Variants in ADAM15 observed in about 807,000 individuals in gnomAD.
ADAM15 encodes ADAM metallopeptidase domain 15, also known as disintegrin and metalloproteinase domain-containing protein 15.
ADAM15 carries 77 observed loss-of-function variants against 113.8 expected under a neutral mutation model. The observed-to-expected ratio is 0.68, with a 90% CI of 0.56 to 0.82. The LOEUF is 0.82. Among genes scored for constraint, ADAM15 ranks in the 40% least tolerant of loss-of-function variants. The pLI, the probability that ADAM15 is intolerant of heterozygous loss-of-function variation, is 0.00. For synonymous variants in ADAM15, 388 were observed against 454.1 expected (o/e 0.85, Z 1.85); for missense variants, 963 against 1,120.1 (o/e 0.86, Z 2.00).
At chr1:155,051,609 CCTA>C in intron 1 of ADAM15, 144 bp downstream of exon 1, 2 of 730,562 alleles carry the variant, frequency 2.7e-6, no homozygotes, top group Non-Finnish European at 4.1e-6. Context: ...CTGTCCTGGG[CCTA>C]GGGCCCGGTG....
Position 155,057,095 on chromosome 1 carries a change from C to A in ADAM15, c.1142C>A (p.Ser381Tyr). Residue 381 changes from serine to tyrosine, a missense_variant, in exon 11 of 23, where the codon TCC becomes TAC. Transcript: ENST00000356955. The surrounding 1 kb of genome is among the most constrained non-coding windows in gnomAD (Gnocchi z 5.0). Reference protein sequence around the residue: ...APAKTCIMEASTDFLPGLNFS... With the variant: ...APAKTCIMEAYTDFLPGLNFS... ...GCCAAGACCTGCATCATGGAGGCCTCCACAGAGTAAGTAGCTGCAGGATGG... is the reference window on the plus strand; with the variant it reads ...GCCAAGACCTGCATCATGGAGGCCTACACAGAGTAAGTAGCTGCAGGATGG... 1 of 1,571,044 alleles carries A rather than the reference C, an allele frequency of 6.4e-7. No homozygotes were observed. Among genetic ancestry groups the A allele is most frequent in the Non-Finnish European group, 8.6e-7 (1 of 1,156,326 alleles).
At position 155,062,013 on chromosome 1, in the gene ADAM15, C is replaced by T; in HGVS notation, c.2424+38C>T. On this transcript the variant is annotated intron_variant, in intron 21 of 22. Transcript: ENST00000356955. This position sits in a 1 kb window ranked among gnomAD's most constrained non-coding sequence, Gnocchi z 7.0. Reference sequence around the variant, plus strand: ...GGAGAGAAGGGCACGGCCTCTCCCCCCACCTAGGGCTGTGGTGCTGGTAGC... The same window carrying T: ...GGAGAGAAGGGCACGGCCTCTCCCCTCACCTAGGGCTGTGGTGCTGGTAGC... 3 of 1,505,232 alleles carry T rather than the reference C, an allele frequency of 2.0e-6. No individual in the cohort carries two copies. The highest frequency in any genetic ancestry group is 2.7e-6 in the Non-Finnish European group (3 of 1,125,682). 93.2% of individuals were successfully genotyped at this position (1,505,232 alleles called of 1,614,324 possible). A position where few individuals can be genotyped will look rare whatever the true frequency, so the allele number is the denominator to read the frequency against.
intron 16 of ADAM15, among the ~76,000 whole-genome samples, chr1:155,059,619 A>T (rs1662280238): frequency 6.6e-6 from 1 of 152,114 alleles, no homozygotes; most frequent in Non-Finnish European, 1.5e-5. Context: ...ACAGAGTGAG[A>T]CTCCATCTTA....
chr1:155,056,820 T>C lies in ADAM15; in HGVS notation c.1000-133T>C. ...CTGGGTTCTCCTACTTTAGAAGCAATTCAGGAGGGAAGCAGTGCCTGCTGA... is the reference window on the plus strand; with the variant it reads ...CTGGGTTCTCCTACTTTAGAAGCAACTCAGGAGGGAAGCAGTGCCTGCTGA... On this transcript the variant is annotated intron_variant, in intron 10 of 22. Coordinates refer to ENST00000356955, the MANE Select transcript of ADAM15 (RefSeq NM_207197.3). The surrounding 1 kb of genome is among the most constrained non-coding windows in gnomAD (Gnocchi z 4.0). 7.6e-7 allele frequency: 1 copy of C among 1,314,626 alleles called. No individual in the cohort carries two copies. Among genetic ancestry groups the C allele is most frequent in the African/African-American group, 1.5e-5 (1 of 67,692 alleles). The allele number at this position is 1,314,626 out of a possible 1,614,324, so 81.4% of individuals were successfully genotyped here.
intron 20 of ADAM15, 21 bp downstream of exon 20, chr1:155,061,510 G>C: frequency 6.2e-7 from 1 of 1,610,566 alleles, no homozygotes; most frequent in South Asian, 1.1e-5. Flanking sequence ...GCCAGGGCCC[G>C]CCCTGAGCCA....
rs1292773227 is a variant in ADAM15 at position 155,060,315 on chromosome 1, C to A, written c.2179C>A (p.Gln727Lys). Residue 727 changes from glutamine to lysine, a missense_variant, in exon 18 of 23, where the codon CAG (glutamine) becomes AAG (lysine). Coordinates refer to ENST00000356955, the MANE Select transcript of ADAM15 (RefSeq NM_207197.3). ...TGCCCGCCTGCACCAGCGACTCTGC[C>A]AGCTCAAGGGACCCACCTGCCAGTA... The part of the protein sequence containing the change: ...YRARLHQRLC[Q>K]LKGPTCQYRA... 1 of 1,614,118 alleles carries A rather than the reference C, an allele frequency of 6.2e-7. No homozygotes were observed. The highest frequency in any genetic ancestry group is 1.3e-5 in the African/African-American group (1 of 75,018).
intron 7 of ADAM15, 34 bp downstream of exon 7, chr1:155,055,886 C>T: frequency 6.2e-7 from 1 of 1,614,238 alleles, no homozygotes; most frequent in Non-Finnish European, 8.5e-7. Flanking sequence ...TCCTCCTCCC[C>T]CTGCACTGCC....
chr1:155,054,888 AAAAT>A (rs1177155868), intron 6 of ADAM15, among the ~76,000 whole-genome samples: 2 of 151,826 alleles, frequency 1.3e-5, no homozygotes, highest in African/African-American at 2.4e-5. Flanking sequence ...AAATAAAAAT[AAAAT>A]AAAATAAAAT....
chr1:155,058,690 C>T lies in ADAM15; in HGVS notation c.1918-20C>T. Reference sequence around the variant, plus strand: ...AAGCTTTGTGGGAATCTGATCCAGGCTCTTCTCTCCCTGGGTCAGGTGTGT... The same window carrying T: ...AAGCTTTGTGGGAATCTGATCCAGGTTCTTCTCTCCCTGGGTCAGGTGTGT... On this transcript the variant is annotated intron_variant, in intron 15 of 22. Transcript: ENST00000356955. This position sits in a 1 kb window ranked among gnomAD's most constrained non-coding sequence, Gnocchi z 4.3. The T allele has an allele frequency of 6.2e-7, 1 of 1,610,642 alleles. No individual in the cohort carries two copies. Among genetic ancestry groups the T allele is most frequent in the Non-Finnish European group, 8.5e-7 (1 of 1,178,324 alleles).
intron 20 of ADAM15, 89 bp from the exon 21 acceptor site, chr1:155,061,815 A>T (rs549980673): frequency 1.5e-6 from 2 of 1,359,408 alleles, no homozygotes; most frequent in Admixed American, 4.9e-5. Flanking sequence ...CTGACTTTGC[A>T]TGTTGACTTG....
At chr1:155,053,742 G>A (rs911865098) in intron 3 of ADAM15, among the ~76,000 whole-genome samples, 168 bp from the exon 4 acceptor site, 1 of 152,212 alleles carries the variant, frequency 6.6e-6, no homozygotes, top group South Asian at 2.1e-4. Flanking sequence ...TAAACTAACA[G>A]AGTCAGTGGC....
chr1:155,062,476 C>G lies in ADAM15; in HGVS notation c.2566C>G (p.Pro856Ala), dbSNP rs756288503. The change falls in exon 23 of 23, where the codon CCG becomes GCG. Residue 856 changes from proline (P) to alanine (A), a missense_variant. Coordinates refer to ENST00000356955, the MANE Select transcript of ADAM15 (RefSeq NM_207197.3). The surrounding 1 kb of genome is among the most constrained non-coding windows in gnomAD (Gnocchi z 7.0). ...VVPSRPAPPPPTVSSLYL is the reference protein window; with the variant it reads ...VVPSRPAPPPATVSSLYL ...GCAATCCAGACCAGCGCCACCGCCTCCGACAGTGTCCTCGCTCTACCTCTG... is the reference window on the plus strand; with the variant it reads ...GCAATCCAGACCAGCGCCACCGCCTGCGACAGTGTCCTCGCTCTACCTCTG... 3 of 1,613,478 alleles carry G rather than the reference C, an allele frequency of 1.9e-6. No homozygotes were observed. The highest frequency in any genetic ancestry group is 2.5e-6 in the Non-Finnish European group (3 of 1,179,980).
In ADAM15 at chr1:155,056,130, G is replaced by A; in HGVS notation, c.795G>A (p.Trp265Ter). 6.2e-7 allele frequency: 1 copy of A among 1,613,946 alleles called. No homozygotes were observed. The highest frequency in any genetic ancestry group is 1.1e-5 in the South Asian group (1 of 91,086). Residue 265 changes from tryptophan (W) to a stop codon, truncating the protein, a stop_gained, in exon 9 of 23, where the codon TGG (tryptophan) becomes TGA (stop). Transcript: ENST00000356955. LOFTEE classifies it high-confidence loss of function. The surrounding 1 kb of genome is among the most constrained non-coding windows in gnomAD (Gnocchi z 4.0). ...VRVALVGLEA[W>*]TQRDLVEISP... ...TGGCACTAGTGGGCCTGGAGGCCTG[G>A]ACCCAGCGTGACCTGGTGGAGATCA...
In ADAM15 at chr1:155,058,639, A is replaced by G; in HGVS notation, c.1918-71A>G. 6.4e-7 allele frequency: 1 copy of G among 1,571,088 alleles called. No individual in the cohort carries two copies. The highest frequency in any genetic ancestry group is 8.6e-7 in the Non-Finnish European group (1 of 1,159,364). Reference sequence around the variant, plus strand: ...TCTGTAAACGCAGGGTATGGCCTCAACCTTATTGGCCTCCCAGTCCCATTA... The same window carrying G: ...TCTGTAAACGCAGGGTATGGCCTCAGCCTTATTGGCCTCCCAGTCCCATTA... On this transcript the variant is annotated intron_variant, in intron 15 of 22. Transcript: ENST00000356955. The surrounding 1 kb of genome is among the most constrained non-coding windows in gnomAD (Gnocchi z 4.3).
In ADAM15 at chr1:155,057,951, T is replaced by A; in HGVS notation, c.1517T>A (p.Leu506Gln). The A allele has an allele frequency of 6.2e-7, 1 of 1,612,664 alleles. No individual in the cohort carries two copies. The highest frequency in any genetic ancestry group is 8.5e-7 in the Non-Finnish European group (1 of 1,180,020). Residue 506 changes from leucine (L) to glutamine (Q), a missense_variant, in exon 14 of 23, where the codon CTA becomes CAA. Transcript: ENST00000356955. This position sits in a 1 kb window ranked among gnomAD's most constrained non-coding sequence, Gnocchi z 5.0. ...TCCCAGTGTCCCCCTGATGTCAGCCTAGGGGATGGCGAGCCCTGCGCTGGC... is the reference window on the plus strand; with the variant it reads ...TCCCAGTGTCCCCCTGATGTCAGCCAAGGGGATGGCGAGCCCTGCGCTGGC... ...DSSQCPPDVS[L>Q]GDGEPCAGGQ...
rs1327464717 is a variant in ADAM15, at chr1:155,058,014, A to G, written c.1580A>G (p.Tyr527Cys). 1 of 1,613,912 alleles carries G rather than the reference A, an allele frequency of 6.2e-7. No individual in the cohort carries two copies. The highest frequency in any genetic ancestry group is 1.7e-5 in the Admixed American group (1 of 60,034). ...AVCMHGRCASYAQQCQSLWGP... is the reference protein window; with the variant it reads ...AVCMHGRCASCAQQCQSLWGP... Reference sequence around the variant, plus strand: ...TGCATGCACGGGCGTTGTGCCTCCTATGCCCAGCAGTGCCAGTCACTTTGG... The same window carrying G: ...TGCATGCACGGGCGTTGTGCCTCCTGTGCCCAGCAGTGCCAGTCACTTTGG... Residue 527 changes from tyrosine (Y) to cysteine (C), a missense_variant, in exon 14 of 23, where the codon TAT becomes TGT. Tyr to Cys is a radical substitution (Grantham distance 194, BLOSUM62 -2). Transcript: ENST00000356955. The surrounding 1 kb of genome is among the most constrained non-coding windows in gnomAD (Gnocchi z 4.3).
In ADAM15 at chr1:155,056,469, T is replaced by C. The variant is rs762065503; in HGVS notation, c.998T>C (p.Met333Thr). 6.2e-7 allele frequency: 1 copy of C among 1,613,626 alleles called. No homozygotes were observed. The highest frequency in any genetic ancestry group is 1.3e-5 in the African/African-American group (1 of 74,984). Residue 333 changes from methionine to threonine, a missense_variant and splice_region_variant, in exon 10 of 23, where the codon ATG becomes ACG. By Grantham distance (81) the Met-to-Thr change is moderately conservative. Transcript: ENST00000356955. This position sits in a 1 kb window ranked among gnomAD's most constrained non-coding sequence, Gnocchi z 4.0. ...CCTGACTTCTCAGGAGGTGTGAACA[T>C]GGTGAGTTATTTCCAGGTCTCCTCC... ...CSPDFSGGVN[M>T]DHSTSILGVA...
chr1:155,051,699 G>A (rs547465600), intron 1 of ADAM15: 2 of 423,698 alleles, frequency 4.7e-6, no homozygotes, highest in Admixed American at 4.7e-5. Context: ...CCTCTGCGCG[G>A]TCCCTGCGGA....
rs1200921141 is a variant in ADAM15 at position 155,062,004 on chromosome 1, C to G, written c.2424+29C>G. 2 of 1,526,630 alleles carry G rather than the reference C, an allele frequency of 1.3e-6. No individual in the cohort carries two copies. Among genetic ancestry groups the G allele is most frequent in the African/African-American group, 1.4e-5 (1 of 71,570 alleles). 94.6% of individuals were successfully genotyped at this position (1,526,630 alleles called of 1,614,324 possible). The stretch of plus-strand genomic sequence containing the variant: ...ACGGTGGGGGGAGAGAAGGGCACGG[C>G]CTCTCCCCCCACCTAGGGCTGTGGT... On this transcript the variant is annotated intron_variant, in intron 21 of 22. Coordinates refer to ENST00000356955, the MANE Select transcript of ADAM15 (RefSeq NM_207197.3). This position sits in a 1 kb window ranked among gnomAD's most constrained non-coding sequence, Gnocchi z 7.0.
Sources: gnomAD v4.1 joint callset for allele counts (sites outside exome capture counted in the v4.1 genomes callset) on GRCh38, gnomAD v4.1.1 for gene constraint, Gnocchi (gnomAD v3.1) non-coding constraint, MANE v1.5 for transcripts, NCBI Gene and HGNC (gene_info 2026-07-23, HGNC 2026-07-21) for gene names.